KLHDC1: variants seen among roughly 807,000 people sequenced by gnomAD.
KLHDC1 encodes kelch domain containing 1.
A neutral mutation model predicts 68.3 loss-of-function variants in KLHDC1; 53 were observed. The ratio of observed to expected loss-of-function variants is 0.78; its 90% CI spans 0.62 to 0.98. The LOEUF is 0.98. Ranked by LOEUF, KLHDC1 falls within the 50% of genes least tolerant of loss-of-function variation. KLHDC1 has a pLI of 0.00. For synonymous variants in KLHDC1, 148 were observed against 159.0 expected (o/e 0.93, Z 0.52); for missense variants, 470 against 492.3 (o/e 0.95, Z 0.43).
At chr14:49,734,957 G>A (rs1212613763) in intron 10 of KLHDC1, among the ~76,000 whole-genome samples, 1 of 152,010 alleles carries the variant, frequency 6.6e-6, no homozygotes, top group Non-Finnish European at 1.5e-5. Context: ...CATCATATGA[G>A]ATTAATGTTT....
chr14:49,727,551 GTA>G (rs1214773076), intron 6 of KLHDC1, among the ~76,000 whole-genome samples: 82 of 152,280 alleles, frequency 5.4e-4, no homozygotes, highest in African/African-American at 1.8e-3. Flanking sequence ...AAAATCGTAA[GTA>G]TTAGAGTTTG....
chr14:49,693,259 GA>G lies in KLHDC1; in HGVS notation c.68del (p.Asn23ThrfsTer114). ...AGCGGCCACTGCGCCGTGGTGGACG[GA>G]AACTTCCTCTACGTGTGGGGGGGCT... ...ERSGHCAVVDGNFLYVWGGYV... is the reference protein window; with the variant it reads ...ERSGHCAVVDXNFLYVWGGYV... On this transcript the variant is annotated frameshift_variant, in exon 1 of 13. Coordinates refer to ENST00000359332, the MANE Select transcript of KLHDC1 (RefSeq NM_172193.3). LOFTEE classifies it high-confidence loss of function. The G allele has an allele frequency of 6.4e-7, 1 of 1,567,902 alleles. No individual in the cohort carries two copies. Among genetic ancestry groups the G allele is most frequent in the Non-Finnish European group, 8.6e-7 (1 of 1,158,830 alleles).
At position 49,721,623 on chromosome 14, in the gene KLHDC1, A is replaced by AT. The variant is rs540083446; in HGVS notation, c.405-2249dup. Among the ~76,000 whole-genome samples the AT allele has an allele frequency of 9.2e-4, 140 of 152,166 alleles. 1 individual carries two copies. Among genetic ancestry groups the AT allele is most frequent in the African/African-American group, 3.3e-3 (136 of 41,514 alleles). ...TGGGCTTTGTTGTAGCTTTAGTTTG[A>AT]TTGAGTTTTACCTCTGGCTTCAAAT... On this transcript the variant is annotated intron_variant, in intron 4 of 12. Coordinates refer to ENST00000359332, the MANE Select transcript of KLHDC1 (RefSeq NM_172193.3).
intron 5 of KLHDC1, among the ~76,000 whole-genome samples, chr14:49,724,253 T>C (rs1888611535): frequency 6.6e-6 from 1 of 152,120 alleles, no homozygotes. Context: ...TATGTTCATA[T>C]TTAACCGCAA....
At chr14:49,716,387 CTT>C (rs767551225) in intron 4 of KLHDC1, among the ~76,000 whole-genome samples, 3 of 142,852 alleles carry the variant, frequency 2.1e-5, no homozygotes, top group African/African-American at 2.5e-5. Context: ...TCTTGCTACG[CTT>C]TTTTTTTTTT....
Position 49,723,913 on chromosome 14 carries a change from T to G in KLHDC1, c.444T>G (p.Ser148Arg). 2 of 1,606,514 alleles carry G rather than the reference T, an allele frequency of 1.2e-6. No homozygotes were observed. The highest frequency in any genetic ancestry group is 1.7e-6 in the Non-Finnish European group (2 of 1,174,554). Residue 148 changes from serine to arginine, a missense_variant, in exon 5 of 13, where the codon AGT becomes AGG. Coordinates refer to ENST00000359332, the MANE Select transcript of KLHDC1 (RefSeq NM_172193.3). ...GTGGTTATGGGTGTAGGAGACACAG[T>G]GAACTCCAAGACTGTTTTGATGTTC... is the stretch of plus-strand genomic sequence containing the variant. Reference protein sequence around the residue: ...YFGGYGCRRHSELQDCFDVHD... With the variant: ...YFGGYGCRRHRELQDCFDVHD...
intron 12 of KLHDC1, among the ~76,000 whole-genome samples, chr14:49,747,845 C>G (rs1400863936): frequency 2.0e-5 from 3 of 152,108 alleles, no homozygotes; most frequent in Non-Finnish European, 2.9e-5. Flanking sequence ...CACTAAACAG[C>G]TGGGTCGCAG....
At chr14:49,733,337 CAGT>C (rs777977805) in intron 9 of KLHDC1, among the ~76,000 whole-genome samples, 2 of 152,050 alleles carry the variant, frequency 1.3e-5, no homozygotes, top group Non-Finnish European at 1.5e-5. Context: ...TTTCTTTCAG[CAGT>C]AGAACTGTGG....
intron 7 of KLHDC1, 24 bp from the exon 8 acceptor site, chr14:49,729,466 C>T: frequency 1.3e-6 from 2 of 1,533,438 alleles, no homozygotes; most frequent in Middle Eastern, 1.7e-4. Context: ...AAATACTGAC[C>T]AATGTAACAC....
At chr14:49,743,111 A>ACTGGG (rs1889106265) in intron 11 of KLHDC1, among the ~76,000 whole-genome samples, 1 of 145,848 alleles carries the variant, frequency 6.9e-6, no homozygotes, top group African/African-American at 2.5e-5. Context: ...GAAAACCACT[A>ACTGGG]CTGGGCTGGG....
chr14:49,716,466 C>T (rs1210343175), intron 4 of KLHDC1, among the ~76,000 whole-genome samples: 5 of 151,970 alleles, frequency 3.3e-5, no homozygotes, highest in Admixed American at 1.3e-4. Context: ...TCACTGCAAC[C>T]TCCACCTCCC....
At chr14:49,716,961 T>C (rs1351261583) in intron 4 of KLHDC1, among the ~76,000 whole-genome samples, 1 of 152,232 alleles carries the variant, frequency 6.6e-6, no homozygotes, top group Non-Finnish European at 1.5e-5. Flanking sequence ...TTCATAAAAA[T>C]TGAATCATAA....
chr14:49,752,583 TG>T lies in KLHDC1; in HGVS notation c.*812del, dbSNP rs941588206. The T allele has an allele frequency of 1.3e-4, 20 of 152,548 alleles. No homozygotes were observed. The highest frequency in any genetic ancestry group is 4.1e-4 in the African/African-American group (17 of 41,558). 9.4% of individuals were successfully genotyped at this position (152,548 alleles called of 1,614,324 possible). On this transcript the variant is annotated 3_prime_UTR_variant, in exon 13 of 13. Coordinates refer to ENST00000359332, the MANE Select transcript of KLHDC1 (RefSeq NM_172193.3). Reference sequence around the variant, plus strand: ...CTTCTAAAGTAATTTTTGTAAGTAATGAGATGGGATGGTAATCTAGTAATTT... The same window carrying T: ...CTTCTAAAGTAATTTTTGTAAGTAATAGATGGGATGGTAATCTAGTAATTT...
chr14:49,717,712 T>C (rs553175412), intron 4 of KLHDC1, among the ~76,000 whole-genome samples: 1 of 152,266 alleles, frequency 6.6e-6, no homozygotes, highest in Admixed American at 6.5e-5. Context: ...TCACTTTTTT[T>C]TTTGGAAGAG....
intron 1 of KLHDC1, among the ~76,000 whole-genome samples, chr14:49,701,142 T>A (rs1594647735): frequency 1.3e-5 from 2 of 150,400 alleles, no homozygotes; most frequent in East Asian, 2.0e-4. Flanking sequence ...GGAAAAAAAA[T>A]AAGACTATTT....
intron 1 of KLHDC1, among the ~76,000 whole-genome samples, chr14:49,705,841 A>C (rs1296551656): frequency 6.6e-6 from 1 of 152,068 alleles, no homozygotes; most frequent in Non-Finnish European, 1.5e-5. Context: ...CTGATTGAAA[A>C]ATTTTTTTAA....
At chr14:49,720,965 A>G (rs1413238655) in intron 4 of KLHDC1, among the ~76,000 whole-genome samples, 1 of 151,744 alleles carries the variant, frequency 6.6e-6, no homozygotes, top group East Asian at 1.9e-4. Context: ...TAGCATTTCC[A>G]TTTAGTTCTT....
intron 1 of KLHDC1, among the ~76,000 whole-genome samples, chr14:49,699,132 C>T (rs1887827575): frequency 6.9e-6 from 1 of 145,446 alleles, no homozygotes; most frequent in South Asian, 2.2e-4. Context: ...CCACCGCACT[C>T]CAGTCTGGGT....
chr14:49,716,445 G>A (rs1207692273), intron 4 of KLHDC1, among the ~76,000 whole-genome samples: 7 of 151,500 alleles, frequency 4.6e-5, no homozygotes, highest in Non-Finnish European at 1.0e-4. Flanking sequence ...GTGCAATGGC[G>A]TGGTCTCCAC....
Sources: gnomAD v4.1 joint callset for allele counts (sites outside exome capture counted in the v4.1 genomes callset) on GRCh38, gnomAD v4.1.1 for gene constraint, MANE v1.5 for transcripts, NCBI Gene and HGNC (gene_info 2026-07-23, HGNC 2026-07-21) for gene names.